Variants in USP34 observed in about 807,000 individuals in gnomAD.
The protein encoded by USP34 is ubiquitin carboxyl-terminal hydrolase 34.
In USP34, 70 loss-of-function variants were observed where a neutral mutation model predicts 460.3. That is an observed-to-expected ratio of 0.15 (90% CI 0.13 to 0.19). The LOEUF is 0.19. USP34 is among the 10% of genes least tolerant of loss of function. USP34 has a pLI of 1.00. For synonymous variants in USP34, 1,647 were observed against 1,405.3 expected (o/e 1.17, Z -3.85); for missense variants, 3,985 against 4,236.2 (o/e 0.94, Z 1.65).
At chr2:61,223,465 T>C (rs2103814227) in intron 62 of USP34, 169 bp from the exon 63 acceptor site, 1 of 643,764 alleles carries the variant, frequency 1.6e-6, no homozygotes. Context: ...TTGGGCAACT[T>C]TTCAACATTC....
chr2:61,412,018 C>T (rs1174174647), intron 2 of USP34, among the ~76,000 whole-genome samples: 2 of 151,496 alleles, frequency 1.3e-5, no homozygotes, highest in Admixed American at 1.3e-4. Context: ...GGAGAAACCC[C>T]GTCTCCACTA....
intron 53 of USP34, among the ~76,000 whole-genome samples, chr2:61,238,933 G>A (rs1414075232): frequency 1.3e-5 from 2 of 151,554 alleles, no homozygotes; most frequent in Non-Finnish European, 2.9e-5. Context: ...TCACACTGTG[G>A]TAATTCCTGA....
At chr2:61,303,255 C>T (rs371897374) in intron 27 of USP34, among the ~76,000 whole-genome samples, 3 of 151,904 alleles carry the variant, frequency 2.0e-5, no homozygotes, top group South Asian at 2.1e-4. Context: ...TTAGTAGAGA[C>T]GGGTTTCTCC....
In USP34 at chr2:61,280,456, C is replaced by G. The variant is rs764245263; in HGVS notation, c.5152-108G>C. ...GAAATAAATTCCTATATCCACTAAA[C>G]AGTATTCAAAATCTTTTTAAAAATG... On this transcript the variant is annotated intron_variant, in intron 38 of 79. Coordinates refer to ENST00000398571, the MANE Select transcript of USP34 (RefSeq NM_014709.4). 6 of 489,344 alleles carry G rather than the reference C, an allele frequency of 1.2e-5. No homozygotes were observed. In the East Asian group the frequency reaches 2.2e-4, roughly 18 times the overall value. 30.3% of individuals were successfully genotyped at this position (489,344 alleles called of 1,614,324 possible).
chr2:61,411,254 C>T (rs547254972), intron 2 of USP34, among the ~76,000 whole-genome samples: 11 of 151,836 alleles, frequency 7.2e-5, no homozygotes, highest in African/African-American at 1.7e-4. Flanking sequence ...AGGTGCCATA[C>T]GCCCGTAATC....
intron 1 of USP34, among the ~76,000 whole-genome samples, chr2:61,426,820 G>A (rs1056532719): frequency 6.6e-6 from 1 of 152,220 alleles, no homozygotes. Context: ...GGGTGCTTGT[G>A]TCACTCACTC....
At chr2:61,347,775 T>A in intron 15 of USP34, 95 bp downstream of exon 15, 3 of 1,519,122 alleles carry the variant, frequency 2.0e-6, no homozygotes, top group Non-Finnish European at 2.6e-6. Context: ...TACTAATGAA[T>A]AGCACTAATA....
intron 34 of USP34, among the ~76,000 whole-genome samples, chr2:61,286,307 T>C (rs766063628): frequency 7.6e-4 from 115 of 152,264 alleles, no homozygotes; most frequent in Middle Eastern, 6.8e-3. Flanking sequence ...GGAATTATTT[T>C]GGGAAATAAA....
intron 1 of USP34, among the ~76,000 whole-genome samples, chr2:61,433,261 T>C (rs1206814286): frequency 6.6e-6 from 1 of 152,160 alleles, no homozygotes; most frequent in African/African-American, 2.4e-5. Flanking sequence ...CAGCAGGGAC[T>C]TCCTGATGCA....
rs62151767 is a variant in USP34, at chr2:61,467,216, T to C, written c.43+3434A>G. On this transcript the variant is annotated intron_variant, in intron 1 of 79. Transcript: ENST00000398571. ...CACTTGGGAGGCTGAGGCAGGAGAA[T>C]TGCTGAACCCAGGGAGGCAGAGGTT... Among the ~76,000 whole-genome samples the C allele has an allele frequency of 6.4e-3, 967 of 151,828 alleles. 13 individuals carry two copies. The highest frequency in any genetic ancestry group is 9.2e-3 in the Non-Finnish European group (625 of 67,932).
At chr2:61,356,693 G>T (rs1692118406) in intron 10 of USP34, among the ~76,000 whole-genome samples, 1 of 152,164 alleles carries the variant, frequency 6.6e-6, no homozygotes, top group Admixed American at 6.6e-5. Context: ...TAGAATAGAG[G>T]TTACAACCCA....
intron 5 of USP34, among the ~76,000 whole-genome samples, chr2:61,393,218 G>A (rs1236044792): frequency 6.6e-6 from 1 of 151,838 alleles, no homozygotes; most frequent in Non-Finnish European, 1.5e-5. Flanking sequence ...ATCACCTGAG[G>A]TTAGGAGTTT....
intron 8 of USP34, among the ~76,000 whole-genome samples, chr2:61,377,164 C>G (rs773329403): frequency 6.6e-6 from 1 of 152,162 alleles, no homozygotes; most frequent in Non-Finnish European, 1.5e-5. Context: ...AGAATAAGAA[C>G]TCTTTAGCCT....
At chr2:61,325,903 A>G (rs2103714089) in intron 20 of USP34, among the ~76,000 whole-genome samples, 1 of 152,366 alleles carries the variant, frequency 6.6e-6, no homozygotes, top group Admixed American at 6.5e-5. Context: ...TAGTTCATGA[A>G]AAGTAGAGCT....
intron 53 of USP34, among the ~76,000 whole-genome samples, chr2:61,239,875 G>C (rs886566064): frequency 1.3e-5 from 2 of 152,098 alleles, no homozygotes; most frequent in Non-Finnish European, 2.9e-5. Context: ...GCTGGGTGTG[G>C]TGGCGGGTGC....
intron 53 of USP34, among the ~76,000 whole-genome samples, chr2:61,240,200 T>C (rs1688211512): frequency 6.6e-6 from 1 of 151,988 alleles, no homozygotes; most frequent in African/African-American, 2.4e-5. Context: ...CACATTCAGT[T>C]ATGTACTCAA....
chr2:61,443,738 G>A (rs557967863), intron 1 of USP34, among the ~76,000 whole-genome samples: 1 of 152,298 alleles, frequency 6.6e-6, no homozygotes, highest in Non-Finnish European at 1.5e-5. Context: ...GTACGACACT[G>A]TACTGGTGGA....
At chr2:61,460,919 G>A (rs1695579469) in intron 1 of USP34, among the ~76,000 whole-genome samples, 1 of 150,042 alleles carries the variant, frequency 6.7e-6, no homozygotes, top group Non-Finnish European at 1.5e-5. Flanking sequence ...GGAGGTGGAG[G>A]TCCAGGAAGC....
intron 43 of USP34, among the ~76,000 whole-genome samples, chr2:61,262,124 TA>T (rs1558497326): frequency 8.0e-6 from 1 of 125,594 alleles, no homozygotes; most frequent in African/African-American, 3.1e-5. Flanking sequence ...AAAATATATA[TA>T]TATATATAGA....
Sources: gnomAD v4.1 joint callset for allele counts (sites outside exome capture counted in the v4.1 genomes callset) on GRCh38, gnomAD v4.1.1 for gene constraint, MANE v1.5 for transcripts, NCBI Gene and HGNC (gene_info 2026-07-23, HGNC 2026-07-21) for gene names.